Variants in ARMH3 observed in about 807,000 individuals in gnomAD.
The protein encoded by ARMH3 is armadillo-like helical domain-containing protein 3.
In ARMH3, 60 loss-of-function variants were observed where a neutral mutation model predicts 99.1. The observed-to-expected ratio is 0.61, with a 90% CI of 0.49 to 0.75. The LOEUF (loss-of-function observed/expected upper bound fraction) is 0.75. Among genes scored for constraint, ARMH3 ranks in the 30% least tolerant of loss-of-function variants. The pLI is 0.00. For missense variants in ARMH3, 679 were observed against 843.1 expected (o/e 0.81, Z 2.41); for synonymous variants, 285 against 292.8 (o/e 0.97, Z 0.27).
At chr10:101,965,897 G>A in intron 20 of ARMH3, among the ~76,000 whole-genome samples, 1 of 152,106 alleles carries the variant, frequency 6.6e-6, no homozygotes. Flanking sequence ...CTTCCTTGGG[G>A]AGTCCTGTGC....
At chr10:102,026,551 G>T (rs2067005798) in intron 5 of ARMH3, among the ~76,000 whole-genome samples, 1 of 152,162 alleles carries the variant, frequency 6.6e-6, no homozygotes, top group Non-Finnish European at 1.5e-5. Flanking sequence ...TTCCAGACAG[G>T]TATTAGCATC....
chr10:101,863,059 C>G (rs758576342), intron 24 of ARMH3, among the ~76,000 whole-genome samples: 41 of 151,916 alleles, frequency 2.7e-4, no homozygotes, highest in Non-Finnish European at 4.9e-4. Context: ...CAAAATTAGC[C>G]TGGCATGGTG....
At chr10:101,875,172 TC>T (rs2135383461) in intron 24 of ARMH3, among the ~76,000 whole-genome samples, 1 of 152,142 alleles carries the variant, frequency 6.6e-6, no homozygotes, top group South Asian at 2.1e-4. Flanking sequence ...CCTGAGAGCT[TC>T]CTTTGGAGGC....
chr10:102,042,041 TAAC>T (rs1246931255), intron 1 of ARMH3, among the ~76,000 whole-genome samples: 5 of 152,164 alleles, frequency 3.3e-5, no homozygotes, highest in Admixed American at 6.5e-5. Flanking sequence ...AAAAAAATAA[TAAC>T]AATAACGAAA....
At chr10:101,877,362 CA>C (rs1274257519) in intron 24 of ARMH3, among the ~76,000 whole-genome samples, 1 of 151,564 alleles carries the variant, frequency 6.6e-6, no homozygotes, top group Non-Finnish European at 1.5e-5. Flanking sequence ...AATCCTGTCT[CA>C]AAAAAAAATT....
chr10:102,015,535 C>A (rs187990187), intron 8 of ARMH3, among the ~76,000 whole-genome samples: 232 of 152,186 alleles, frequency 1.5e-3, no homozygotes, highest in African/African-American at 5.2e-3. Context: ...GGATTACAGG[C>A]ATGTGCCACC....
intron 23 of ARMH3, among the ~76,000 whole-genome samples, chr10:101,922,063 T>C (rs1472407371): frequency 1.3e-5 from 2 of 152,222 alleles, no homozygotes; most frequent in African/African-American, 4.8e-5. Flanking sequence ...TTGTTCATTA[T>C]ACAGTCTATG....
intron 14 of ARMH3, among the ~76,000 whole-genome samples, chr10:102,005,046 T>C (rs1005106700): frequency 1.3e-5 from 2 of 151,548 alleles, no homozygotes; most frequent in Non-Finnish European, 2.9e-5. Flanking sequence ...CTACTAAAAA[T>C]ACAAAAAATT....
At chr10:101,995,733 T>A (rs1847025579) in intron 15 of ARMH3, among the ~76,000 whole-genome samples, 1 of 152,174 alleles carries the variant, frequency 6.6e-6, no homozygotes, top group African/African-American at 2.4e-5. Context: ...ATCTGCCAGC[T>A]CTAAGCACCA....
In ARMH3 at chr10:101,995,349, T is replaced by C. The variant is rs762407256; in HGVS notation, c.1157A>G (p.His386Arg). 1.2e-6 allele frequency: 2 copies of C among 1,613,448 alleles called. No homozygotes were observed. The highest frequency in any genetic ancestry group is 1.7e-6 in the Non-Finnish European group (2 of 1,179,548). Residue 386 changes from histidine (H) to arginine (R), a missense_variant, in exon 16 of 26, where the codon CAC (histidine) becomes CGC (arginine). By Grantham distance (29) the His-to-Arg change is conservative. Coordinates refer to ENST00000370033, the MANE Select transcript of ARMH3 (RefSeq NM_024541.3). Reference protein sequence around the residue: ...SIVMQDTKDEHRLHSGKLCLI... With the variant: ...SIVMQDTKDERRLHSGKLCLI... ...ACAGAGTTTGCCACTGTGAAGCCTG[T>C]GTTCATCTGTAAAGAAAAAAGAAAC...
intron 20 of ARMH3, among the ~76,000 whole-genome samples, chr10:101,960,023 A>C (rs1845211179): frequency 6.6e-6 from 1 of 152,160 alleles, no homozygotes; most frequent in African/African-American, 2.4e-5. Context: ...ACTAAAATAC[A>C]AAAAATTAGC....
intron 23 of ARMH3, among the ~76,000 whole-genome samples, chr10:101,897,147 T>C (rs1311662746): frequency 6.6e-6 from 1 of 152,134 alleles, no homozygotes; most frequent in Admixed American, 6.5e-5. Context: ...TAAAGAAATA[T>C]GGGTAGTAAT....
chr10:101,917,446 C>G (rs1328129075), intron 23 of ARMH3, among the ~76,000 whole-genome samples: 1 of 152,184 alleles, frequency 6.6e-6, no homozygotes, highest in African/African-American at 2.4e-5. Flanking sequence ...TTCCTTTTTA[C>G]TGTAGAATAG....
intron 23 of ARMH3, among the ~76,000 whole-genome samples, chr10:101,898,094 T>C (rs1192512473): frequency 6.6e-6 from 1 of 151,718 alleles, no homozygotes; most frequent in African/African-American, 2.4e-5. Context: ...TAAGAGAAAA[T>C]GTGGACCAGG....
chr10:101,951,977 A>G (rs1844813799), intron 22 of ARMH3, among the ~76,000 whole-genome samples: 2 of 152,170 alleles, frequency 1.3e-5, no homozygotes, highest in African/African-American at 4.8e-5. Context: ...CAGCAGCAGC[A>G]GTAGCAACAG....
intron 22 of ARMH3, among the ~76,000 whole-genome samples, chr10:101,954,401 T>C (rs1844936699): frequency 6.6e-6 from 1 of 152,198 alleles, no homozygotes. Flanking sequence ...AAGGATGAAT[T>C]TCAAATGAAA....
intron 8 of ARMH3, 97 bp downstream of exon 8, chr10:102,023,380 C>G: frequency 9.1e-7 from 1 of 1,096,128 alleles, no homozygotes. Flanking sequence ...TACCATTTAC[C>G]AAGAACGTCT....
At chr10:101,965,972 A>C (rs1362643019) in intron 20 of ARMH3, among the ~76,000 whole-genome samples, 1 of 152,220 alleles carries the variant, frequency 6.6e-6, no homozygotes, top group Non-Finnish European at 1.5e-5. Flanking sequence ...ATGCACATGC[A>C]GATAGAATAT....
chr10:101,915,745 G>T (rs1440463403), intron 23 of ARMH3, among the ~76,000 whole-genome samples: 2 of 150,886 alleles, frequency 1.3e-5, no homozygotes, highest in South Asian at 2.1e-4. Flanking sequence ...GGGAGTGGAA[G>T]TTGTCTCTGA....
Sources: allele counts gnomAD v4.1 joint callset (sites outside exome capture counted in the v4.1 genomes callset), GRCh38; gene constraint gnomAD v4.1.1; transcripts MANE v1.5; gene names NCBI Gene and HGNC (gene_info 2026-07-23, HGNC 2026-07-21).